The following EPHB3 variants were observed in gnomAD, a reference collection of about 807,000 sequenced individuals.
EPHB3 encodes ephrin type-B receptor 3.
EPHB3 carries 33 observed loss-of-function variants against 100.2 expected under a neutral mutation model. The ratio of observed to expected loss-of-function variants is 0.33; its 90% CI spans 0.25 to 0.44. The LOEUF is 0.44. Among genes scored for constraint, EPHB3 ranks in the 20% least tolerant of loss-of-function variants. The probability of loss-of-function intolerance (pLI) is 1.00; values close to 1 mark genes in which losing one functional copy is unlikely to be tolerated. For missense variants in EPHB3, 1,045 were observed against 1,378.3 expected, an observed-to-expected ratio of 0.76 and a Z score of 3.83; for synonymous variants, 526 against 554.7, an observed-to-expected ratio of 0.95 and a Z score of 0.73.
At position 184,577,387 on chromosome 3, in the gene EPHB3, A is replaced by G. The variant is rs1441501555; in HGVS notation, c.1399A>G (p.Ser467Gly). The G allele has an allele frequency of 1.9e-6, 3 of 1,613,906 alleles. No individual in the cohort carries two copies. The highest frequency in any genetic ancestry group is 2.5e-6 in the Non-Finnish European group (3 of 1,180,024). The stretch of plus-strand genomic sequence containing the variant: ...ACTACGCCTGCACAGCAGCTCAGGC[A>G]GCAGCCTCACCCTATCCTGGGCACC... ...PTLRLHSSSG[S>G]SLTLSWAPPE... The change falls in exon 6 of 16, where the codon AGC becomes GGC. Residue 467 changes from serine to glycine, a missense_variant. Transcript: ENST00000330394. The surrounding 1 kb of genome is among the most constrained non-coding windows in gnomAD (Gnocchi z 4.9).
Position 184,562,426 on chromosome 3 carries a change from TC to T in EPHB3, c.118+75del. 8.7e-7 allele frequency: 1 copy of T among 1,149,150 alleles called. No individual in the cohort carries two copies. 71.2% of individuals were successfully genotyped at this position (1,149,150 alleles called of 1,614,324 possible). ...CGGGGCTGCGGGCTAGCAGCGTGGGTCCGACCCGGATTGAGCGCACGTCGGA... is the reference window on the plus strand; with the variant it reads ...CGGGGCTGCGGGCTAGCAGCGTGGGTCGACCCGGATTGAGCGCACGTCGGA... On this transcript the variant is annotated intron_variant, in intron 1 of 15. Transcript: ENST00000330394. The surrounding 1 kb of genome is among the most constrained non-coding windows in gnomAD (Gnocchi z 4.8).
rs533688795 is a variant in EPHB3, at chr3:184,577,014, C to T, written c.1185C>T (p.Asn395=). Residue 395 remains asparagine, a synonymous_variant, in exon 5 of 16, where the codon AAC becomes AAT. Transcript: ENST00000330394. The surrounding 1 kb of genome is among the most constrained non-coding windows in gnomAD (Gnocchi z 4.9). ...GASACSRCDD[N]VEFVPRQLGL... ...CAGCCTGCTCACGCTGTGATGACAACGTGGAGTTTGTGCCTCGGCAGCTGG... is the reference window on the plus strand; with the variant it reads ...CAGCCTGCTCACGCTGTGATGACAATGTGGAGTTTGTGCCTCGGCAGCTGG... 11 of 1,614,030 alleles carry T rather than the reference C, an allele frequency of 6.8e-6. No homozygotes were observed. Among genetic ancestry groups the T allele is most frequent in the African/African-American group, 6.7e-5 (5 of 75,074 alleles).
chr3:184,581,917 C>T lies in EPHB3; in HGVS notation c.*295C>T. 3.0e-6 allele frequency: 1 copy of T among 330,014 alleles called. No homozygotes were observed. The highest frequency in any genetic ancestry group is 5.5e-6 in the Non-Finnish European group (1 of 181,736). The allele number at this position is 330,014 out of a possible 1,614,324, so 20.4% of individuals were successfully genotyped here. On this transcript the variant is annotated 3_prime_UTR_variant, in exon 16 of 16. Coordinates refer to ENST00000330394, the MANE Select transcript of EPHB3 (RefSeq NM_004443.4). ...GGGATCCCCACAACCTCACACTTGT[C>T]TGTTCTTCAGTGCTGGAGGTCCTGG...
Position 184,579,395 on chromosome 3 carries a change from AG to A in EPHB3, c.1802-79del. 3 of 1,571,738 alleles carry A rather than the reference AG, an allele frequency of 1.9e-6. No individual in the cohort carries two copies. The Admixed American group carries it at 5.2e-5, about 27-fold the overall frequency. On this transcript the variant is annotated intron_variant, in intron 9 of 15. Transcript: ENST00000330394. The surrounding 1 kb of genome is among the most constrained non-coding windows in gnomAD (Gnocchi z 5.2). Reference sequence around the variant, plus strand: ...AGAGGAATATGGGGCTGGGCTCAGCAGGGAGCCTGCTGGAGCTGTGCCCATC... The same window carrying A: ...AGAGGAATATGGGGCTGGGCTCAGCAGGAGCCTGCTGGAGCTGTGCCCATC...
Position 184,572,368 on chromosome 3 carries a change from C to A in EPHB3, c.184-136C>A. ...AGCAGGCAGAGAGCTGGAATTTGAG[C>A]CCATATAGCCTGTATGCTCAGCCAC... is the stretch of plus-strand genomic sequence containing the variant. On this transcript the variant is annotated intron_variant, in intron 2 of 15. Transcript: ENST00000330394. The surrounding 1 kb of genome is among the most constrained non-coding windows in gnomAD (Gnocchi z 6.6). The A allele has an allele frequency of 1.1e-6, 1 of 941,800 alleles. No homozygotes were observed. Among genetic ancestry groups the A allele is most frequent in the Non-Finnish European group, 1.4e-6 (1 of 702,172 alleles). 58.3% of individuals were successfully genotyped at this position (941,800 alleles called of 1,614,324 possible).
At chr3:184,576,036 G>C (rs1321682122) in intron 4 of EPHB3, 51 bp downstream of exon 4, 13 of 1,543,792 alleles carry the variant, frequency 8.4e-6, no homozygotes, top group Non-Finnish European at 1.1e-5. Context: ...CCCTCTGGGG[G>C]GCCAGCCTGG....
Position 184,572,490 on chromosome 3 carries a change from T to C in EPHB3, c.184-14T>C, listed in dbSNP as rs1714564361. ...CAGGCATTCACTCTGTCTTTTTCATTGGTCCATGCACAGTGGGAAGAGGTG... is the reference window on the plus strand; with the variant it reads ...CAGGCATTCACTCTGTCTTTTTCATCGGTCCATGCACAGTGGGAAGAGGTG... On this transcript the variant is annotated splice_polypyrimidine_tract_variant and intron_variant, in intron 2 of 15. Coordinates refer to ENST00000330394, the MANE Select transcript of EPHB3 (RefSeq NM_004443.4). This position sits in a 1 kb window ranked among gnomAD's most constrained non-coding sequence, Gnocchi z 6.6. 10 of 1,539,800 alleles carry C rather than the reference T, an allele frequency of 6.5e-6. No individual in the cohort carries two copies. Among genetic ancestry groups the C allele is most frequent in the Non-Finnish European group, 7.0e-6 (8 of 1,150,432 alleles).
chr3:184,575,317 G>T lies in EPHB3; in HGVS notation c.857-513G>T, dbSNP rs1714645106. The T allele has an allele frequency of 3.5e-6, 3 of 847,302 alleles. No homozygotes were observed. The South Asian group carries it at 1.6e-4, about 45-fold the overall frequency. 52.5% of individuals were successfully genotyped at this position (847,302 alleles called of 1,614,324 possible). ...CAGCCCCCATCCCTGCCCAAGGGCA[G>T]ACAGGAGCTGCTGCCTGCGCCTGGT... On this transcript the variant is annotated intron_variant, in intron 3 of 15. Coordinates refer to ENST00000330394, the MANE Select transcript of EPHB3 (RefSeq NM_004443.4).
rs747031222 is a variant in EPHB3, at chr3:184,578,401, T to C, written c.1749-13T>C. On this transcript the variant is annotated splice_polypyrimidine_tract_variant and intron_variant, in intron 8 of 15. Transcript: ENST00000330394. The surrounding 1 kb of genome is among the most constrained non-coding windows in gnomAD (Gnocchi z 4.7). ...CTTGTCTCAGGCCTGCCCTCCACCCTGCCACCCTACAGGAAGCAGCGACAC... is the reference window on the plus strand; with the variant it reads ...CTTGTCTCAGGCCTGCCCTCCACCCCGCCACCCTACAGGAAGCAGCGACAC... 3.1e-6 allele frequency: 5 copies of C among 1,613,596 alleles called. No individual in the cohort carries two copies. The highest frequency in any genetic ancestry group is 3.4e-6 in the Non-Finnish European group (4 of 1,179,958).
In EPHB3 at chr3:184,573,539, T is replaced by C. The variant is rs1371697406; in HGVS notation, c.856+363T>C. On this transcript the variant is annotated intron_variant, in intron 3 of 15. Coordinates refer to ENST00000330394, the MANE Select transcript of EPHB3 (RefSeq NM_004443.4). This position sits in a 1 kb window ranked among gnomAD's most constrained non-coding sequence, Gnocchi z 4.5. Reference sequence around the variant, plus strand: ...AGTGTATGCTTCACCCTGAAAGTGGTAGGTTGGCCCCAGGGCCAAGGGCAC... The same window carrying C: ...AGTGTATGCTTCACCCTGAAAGTGGCAGGTTGGCCCCAGGGCCAAGGGCAC... 6.6e-6 allele frequency among the ~76,000 whole-genome samples: 1 copy of C among 151,964 alleles called. No individual in the cohort carries two copies. Among genetic ancestry groups the C allele is most frequent in the Admixed American group, 6.6e-5 (1 of 15,262 alleles).
At position 184,569,231 on chromosome 3, in the gene EPHB3, C is replaced by G. The variant is rs1714479240; in HGVS notation, c.119-2087C>G. Among the ~76,000 whole-genome samples the G allele has an allele frequency of 2.1e-5, 3 of 139,602 alleles. No homozygotes were observed. The South Asian group carries it at 7.1e-4, about 33-fold the overall frequency. 91.6% of individuals were successfully genotyped at this position (139,602 alleles called of 152,430 possible). A position where few individuals can be genotyped will look rare whatever the true frequency, so the allele number is the denominator to read the frequency against. On this transcript the variant is annotated intron_variant, in intron 1 of 15. Coordinates refer to ENST00000330394, the MANE Select transcript of EPHB3 (RefSeq NM_004443.4). This position sits in a 1 kb window ranked among gnomAD's most constrained non-coding sequence, Gnocchi z 5.4. ...CCGGCGGGAGGACTGGCTGCGGGGG[C>G]AGGGCGCGCTTGCTCTGCCGGCTCC...
At position 184,577,589 on chromosome 3, in the gene EPHB3, T is replaced by A. The variant is rs1714709622; in HGVS notation, c.1480-69T>A. On this transcript the variant is annotated intron_variant, in intron 6 of 15. Coordinates refer to ENST00000330394, the MANE Select transcript of EPHB3 (RefSeq NM_004443.4). This position sits in a 1 kb window ranked among gnomAD's most constrained non-coding sequence, Gnocchi z 4.9. ...GTATGGAGGGGGCATGTGGCAGGCC[T>A]GGGTGTGAATAGGGGCTGGTTGGCC... 2.5e-6 allele frequency: 4 copies of A among 1,571,404 alleles called. No homozygotes were observed. Among genetic ancestry groups the A allele is most frequent in the Admixed American group, 1.7e-5 (1 of 57,170 alleles).
intron 3 of EPHB3, among the ~76,000 whole-genome samples, chr3:184,574,223 T>A (rs985640250): frequency 6.6e-6 from 1 of 152,222 alleles, no homozygotes; most frequent in Admixed American, 6.5e-5. Context: ...AGCTGGGCTG[T>A]TCTGCCCTTA....
At position 184,580,891 on chromosome 3, in the gene EPHB3, A is replaced by C; in HGVS notation, c.2538+13A>C. On this transcript the variant is annotated intron_variant, in intron 13 of 15. Coordinates refer to ENST00000330394, the MANE Select transcript of EPHB3 (RefSeq NM_004443.4). The stretch of plus-strand genomic sequence containing the variant: ...GAGCAACCAGGATGTGAGTGAGGCT[A>C]CGCCAGAGTGGTTGGGTAGGTGGGT... 2 of 1,610,958 alleles carry C rather than the reference A, an allele frequency of 1.2e-6. No individual in the cohort carries two copies. Among genetic ancestry groups the C allele is most frequent in the Non-Finnish European group, 1.7e-6 (2 of 1,177,402 alleles).
rs529163540 is a variant in EPHB3 at position 184,566,740 on chromosome 3, C to T, written c.118+4387C>T. 4.9e-4 allele frequency among the ~76,000 whole-genome samples: 74 copies of T among 152,304 alleles called. No individual in the cohort carries two copies. The Middle Eastern group carries it at 0.014, about 28-fold the overall frequency. ...CCCTCCTGCCCCGCTGCACACTCTG[C>T]GGGCCCAGCCCTGGTGCTGACCTTT... is the stretch of plus-strand genomic sequence containing the variant. On this transcript the variant is annotated intron_variant, in intron 1 of 15. Coordinates refer to ENST00000330394, the MANE Select transcript of EPHB3 (RefSeq NM_004443.4).
chr3:184,575,697 C>G (rs1245778071), intron 3 of EPHB3, 133 bp from the exon 4 acceptor site: 2 of 1,136,988 alleles, frequency 1.8e-6, no homozygotes, highest in Admixed American at 6.7e-5. Context: ...GCAATCCCAG[C>G]ATTGCCCCCA....
chr3:184,576,901 G>A lies in EPHB3; in HGVS notation c.1072G>A (p.Glu358Lys), dbSNP rs201322151. 45 of 1,584,142 alleles carry A rather than the reference G, an allele frequency of 2.8e-5. 1 individual carries two copies. The highest frequency in any genetic ancestry group is 1.4e-4 in the South Asian group (12 of 86,534). Residue 358 changes from glutamate to lysine, a missense_variant, in exon 5 of 16, where the codon GAG (glutamate) becomes AAG (lysine). Coordinates refer to ENST00000330394, the MANE Select transcript of EPHB3 (RefSeq NM_004443.4). ...TGTGAATGAAACCTCACTGATCCTC[G>A]AGTGGAGTGAGCCCCGGGACCTGGG... Reference protein sequence around the residue: ...SNVNETSLILEWSEPRDLGGR... With the variant: ...SNVNETSLILKWSEPRDLGGR...
At chr3:184,566,910 C>T (rs1714398481) in intron 1 of EPHB3, among the ~76,000 whole-genome samples, 1 of 152,156 alleles carries the variant, frequency 6.6e-6, no homozygotes, top group African/African-American at 2.4e-5. Context: ...CACTTTTGCT[C>T]CCAGGGTGCT....
intron 3 of EPHB3, chr3:184,575,131 G>T: frequency 1.0e-6 from 1 of 985,412 alleles, no homozygotes; most frequent in Non-Finnish European, 1.2e-6. Context: ...TGTGTCCAGG[G>T]GCCCAAGGGT....
Sources: allele counts gnomAD v4.1 joint callset (sites outside exome capture counted in the v4.1 genomes callset), GRCh38; gene constraint gnomAD v4.1.1; non-coding constraint Gnocchi (gnomAD v3.1); transcripts MANE v1.5; gene names NCBI Gene and HGNC (gene_info 2026-07-23, HGNC 2026-07-21).